ST6GALNAC3: variants seen among roughly 807,000 people sequenced by gnomAD.
The protein encoded by ST6GALNAC3 is ST6 N-acetylgalactosaminide alpha-2,6-sialyltransferase 3.
In ST6GALNAC3, 25 loss-of-function variants were observed where a neutral mutation model predicts 32.7. That is an observed-to-expected ratio of 0.76 (90% CI 0.56 to 1.07). The LOEUF (loss-of-function observed/expected upper bound fraction) is 1.07, where lower values mean the gene tolerates loss of function less well. ST6GALNAC3 is among the 50% of genes least tolerant of loss of function. The probability of loss-of-function intolerance (pLI) is 0.00; values close to 1 mark genes in which losing one functional copy is unlikely to be tolerated. For missense variants in ST6GALNAC3, 355 were observed against 382.4 expected, an observed-to-expected ratio of 0.93 and a Z score of 0.60; for synonymous variants, 129 against 133.1, an observed-to-expected ratio of 0.97 and a Z score of 0.21.
intron 3 of ST6GALNAC3, among the ~76,000 whole-genome samples, chr1:76,618,955 G>A (rs1161300615): frequency 6.6e-6 from 1 of 152,166 alleles, no homozygotes; most frequent in Non-Finnish European, 1.5e-5. Context: ...GAAAGGTTGC[G>A]AGAAAATCTG....
intron 3 of ST6GALNAC3, among the ~76,000 whole-genome samples, chr1:76,538,066 A>T (rs2100260885): frequency 6.6e-6 from 1 of 152,288 alleles, no homozygotes; most frequent in Non-Finnish European, 1.5e-5. Flanking sequence ...AGCACAACAA[A>T]AAGAGAAAAT....
intron 1 of ST6GALNAC3, among the ~76,000 whole-genome samples, chr1:76,297,526 T>C (rs1392887960): frequency 6.6e-6 from 1 of 152,066 alleles, no homozygotes; most frequent in Non-Finnish European, 1.5e-5. Flanking sequence ...GAATAAGATA[T>C]CCTTGTGGTA....
chr1:76,324,555 C>T lies in ST6GALNAC3; in HGVS notation c.213+10556C>T, dbSNP rs115623665. On this transcript the variant is annotated intron_variant, in intron 2 of 4. Coordinates refer to ENST00000328299, the MANE Select transcript of ST6GALNAC3 (RefSeq NM_152996.4). Reference sequence around the variant, plus strand: ...TATCAGACAAATAAATATTGGGGGCCGTTCTACAGAACACGTGATGACAAC... The same window carrying T: ...TATCAGACAAATAAATATTGGGGGCTGTTCTACAGAACACGTGATGACAAC... Among the ~76,000 whole-genome samples, 1,437 of 152,186 alleles carry T rather than the reference C, an allele frequency of 9.4e-3. 30 individuals are homozygous for T. The highest frequency in any genetic ancestry group is 0.033 in the African/African-American group (1,378 of 41,506).
At chr1:76,488,394 A>G (rs925092445) in intron 3 of ST6GALNAC3, among the ~76,000 whole-genome samples, 7 of 152,106 alleles carry the variant, frequency 4.6e-5, no homozygotes, top group Non-Finnish European at 1.0e-4. Context: ...CGCTAGCACC[A>G]TGCTTCCTGT....
At chr1:76,112,050 G>A (rs1341801121) in intron 1 of ST6GALNAC3, among the ~76,000 whole-genome samples, 1 of 149,402 alleles carries the variant, frequency 6.7e-6, no homozygotes, top group South Asian at 2.1e-4. Flanking sequence ...CGGATGGGGA[G>A]GCTGGCCGGG....
In ST6GALNAC3 at chr1:76,308,912, T is replaced by C. The variant is rs558195651; in HGVS notation, c.19-4893T>C. 4.1e-4 allele frequency among the ~76,000 whole-genome samples: 63 copies of C among 152,354 alleles called. No homozygotes were observed. The South Asian group carries it at 7.5e-3, about 18-fold the overall frequency. On this transcript the variant is annotated intron_variant, in intron 1 of 4. Coordinates refer to ENST00000328299, the MANE Select transcript of ST6GALNAC3 (RefSeq NM_152996.4). Reference sequence around the variant, plus strand: ...CTTTTGTTTTATGATTTTAACTCTGTCTAGAATCATCTCCTACCACTTAGA... The same window carrying C: ...CTTTTGTTTTATGATTTTAACTCTGCCTAGAATCATCTCCTACCACTTAGA...
chr1:76,124,088 A>G (rs1354406749), intron 1 of ST6GALNAC3, among the ~76,000 whole-genome samples: 1 of 152,098 alleles, frequency 6.6e-6, no homozygotes, highest in Non-Finnish European at 1.5e-5. Flanking sequence ...TAAAACATTA[A>G]CTCATTTTAA....
intron 1 of ST6GALNAC3, among the ~76,000 whole-genome samples, chr1:76,163,498 T>G (rs1032698929): frequency 2.0e-5 from 3 of 152,222 alleles, no homozygotes; most frequent in Non-Finnish European, 4.4e-5. Context: ...TCATTCTTTT[T>G]AAGCCTCAGT....
At chr1:76,123,541 T>C (rs909107591) in intron 1 of ST6GALNAC3, among the ~76,000 whole-genome samples, 9 of 151,970 alleles carry the variant, frequency 5.9e-5, no homozygotes. Flanking sequence ...ATTTTTTGTG[T>C]GTGGCCAGTA....
rs1025241556 is a variant in ST6GALNAC3, at chr1:76,546,510, T to C, written c.624-80942T>C. ...AATGATTCTAATTTGGAAAGTATCT[T>C]GAGCAGCTCGGGCAACAGAAATAAA... On this transcript the variant is annotated intron_variant, in intron 3 of 4. Transcript: ENST00000328299. Among the ~76,000 whole-genome samples, 14 of 152,202 alleles carry C rather than the reference T, an allele frequency of 9.2e-5. 1 individual carries two copies. The highest frequency in any genetic ancestry group is 8.5e-4 in the Admixed American group (13 of 15,280).
intron 1 of ST6GALNAC3, among the ~76,000 whole-genome samples, chr1:76,255,199 A>T (rs1657851146): frequency 6.6e-6 from 1 of 152,130 alleles, no homozygotes; most frequent in South Asian, 2.1e-4. Context: ...CCCCTGTGTC[A>T]ATTTCATCTC....
chr1:76,097,650 G>C (rs1469465777), intron 1 of ST6GALNAC3, among the ~76,000 whole-genome samples: 1 of 152,056 alleles, frequency 6.6e-6, no homozygotes, highest in African/African-American at 2.4e-5. Context: ...TGTTTATGAA[G>C]TTCATCCATG....
intron 1 of ST6GALNAC3, among the ~76,000 whole-genome samples, chr1:76,192,565 T>C (rs1653960737): frequency 6.6e-6 from 1 of 152,204 alleles, no homozygotes; most frequent in African/African-American, 2.4e-5. Flanking sequence ...AAGGCTCAGC[T>C]GCTTTTTATC....
chr1:76,249,061 A>G (rs1167731170), intron 1 of ST6GALNAC3, among the ~76,000 whole-genome samples: 1 of 152,224 alleles, frequency 6.6e-6, no homozygotes, highest in Admixed American at 6.5e-5. Flanking sequence ...AGATTAGGGT[A>G]TATAGTCATA....
At chr1:76,166,799 G>A (rs1652153057) in intron 1 of ST6GALNAC3, among the ~76,000 whole-genome samples, 1 of 151,938 alleles carries the variant, frequency 6.6e-6, no homozygotes, top group African/African-American at 2.4e-5. Flanking sequence ...TTCGGCTCTT[G>A]GCTTCACTGT....
chr1:76,277,568 A>G (rs1381558109), intron 1 of ST6GALNAC3, among the ~76,000 whole-genome samples: 55 of 51,652 alleles, frequency 1.1e-3, no homozygotes, highest in South Asian at 6.9e-3. Context: ...ATATATATAT[A>G]CACACACACA....
intron 2 of ST6GALNAC3, among the ~76,000 whole-genome samples, chr1:76,385,937 C>A (rs913111106): frequency 6.6e-6 from 1 of 151,968 alleles, no homozygotes; most frequent in East Asian, 1.9e-4. Flanking sequence ...CTGAGTTTGC[C>A]ATAATCAGCT....
chr1:76,445,922 T>A (rs576492444), intron 3 of ST6GALNAC3, among the ~76,000 whole-genome samples: 1 of 152,338 alleles, frequency 6.6e-6, no homozygotes, highest in South Asian at 2.1e-4. Flanking sequence ...CATATACTTC[T>A]GTGCCGTTTC....
At chr1:76,356,965 T>C (rs532076021) in intron 2 of ST6GALNAC3, among the ~76,000 whole-genome samples, 1 of 152,128 alleles carries the variant, frequency 6.6e-6, no homozygotes, top group East Asian at 1.9e-4. Context: ...TAACCCAAGG[T>C]ACGCAAGAAG....
Sources: allele counts gnomAD v4.1 joint callset (sites outside exome capture counted in the v4.1 genomes callset), GRCh38; gene constraint gnomAD v4.1.1; transcripts MANE v1.5; gene names NCBI Gene and HGNC (gene_info 2026-07-23, HGNC 2026-07-21).